The following ACOT11 variants were observed in gnomAD, a reference collection of about 807,000 sequenced individuals.
ACOT11 encodes acyl-coenzyme A thioesterase 11.
Under a neutral mutation model 77.5 loss-of-function variants are expected in ACOT11, and 69 were observed. That is an observed-to-expected ratio of 0.89 (90% CI 0.73 to 1.09). ACOT11 has a LOEUF of 1.09. Ranked by LOEUF, ACOT11 falls within the 50% of genes least tolerant of loss-of-function variation. The pLI is 0.00. For missense variants in ACOT11, 766 were observed against 813.7 expected (o/e 0.94, Z 0.71); for synonymous variants, 279 against 313.0 (o/e 0.89, Z 1.15).
intron 1 of ACOT11, among the ~76,000 whole-genome samples, chr1:54,560,897 A>G (rs1252961726): frequency 2.0e-5 from 3 of 151,930 alleles, no homozygotes; most frequent in Admixed American, 2.0e-4. Flanking sequence ...AATTGTTTGT[A>G]TTTTTAGTAG....
rs532326765 is a variant in ACOT11, at chr1:54,602,625, G to A, written c.1030-44G>A. ...CTGGGGGATGGAGAGGGGGCAGGAC[G>A]GAGGGTGGGGGTAGCTGGTTGCCTA... On this transcript the variant is annotated intron_variant, in intron 9 of 15. Coordinates refer to ENST00000343744, the MANE Select transcript of ACOT11 (RefSeq NM_147161.4). 5.6e-5 allele frequency: 82 copies of A among 1,469,952 alleles called. 1 individual carries two copies. The South Asian group carries it at 1.0e-3, about 18-fold the overall frequency. The allele number at this position is 1,469,952 out of a possible 1,614,324, so 91.1% of individuals were successfully genotyped here.
chr1:54,637,820 G>T (rs569581160), exon 17 of ACOT11: 1 of 152,120 alleles, frequency 6.6e-6, no homozygotes, highest in East Asian at 1.9e-4. Flanking sequence ...ACTCATCAGA[G>T]TTGCACAGGG....
intron 1 of ACOT11, among the ~76,000 whole-genome samples, chr1:54,569,378 A>G (rs1471636625): frequency 6.6e-6 from 1 of 152,008 alleles, no homozygotes; most frequent in East Asian, 1.9e-4. Flanking sequence ...TCTGTCCTCT[A>G]ATCCAGCCAG....
At position 54,616,323 on chromosome 1, in the gene ACOT11, C is replaced by T. The variant is rs116596985; in HGVS notation, c.1629+8255C>T. 3.5e-3 allele frequency: 2,571 copies of T among 739,490 alleles called. 42 individuals are homozygous for T. In the African/African-American group the frequency reaches 0.04, roughly 11 times the overall value. The allele number at this position is 739,490 out of a possible 1,614,324, so 45.8% of individuals were successfully genotyped here. ...CACCCACACTTCCATCATAGTTTCA[C>T]ATTTCGATGATTTTTTTTCTTCCAT... On this transcript the variant is annotated intron_variant, in intron 15 of 16. Coordinates refer to the ACOT11 transcript ENST00000371316.
intron 1 of ACOT11, among the ~76,000 whole-genome samples, chr1:54,559,397 G>A (rs939949209): frequency 6.6e-6 from 1 of 152,182 alleles, no homozygotes; most frequent in Non-Finnish European, 1.5e-5. Flanking sequence ...GGGAGCCTTC[G>A]GAGAGCTGCT....
intron 1 of ACOT11, among the ~76,000 whole-genome samples, chr1:54,554,548 G>A (rs1437110818): frequency 6.6e-6 from 1 of 151,204 alleles, no homozygotes; most frequent in African/African-American, 2.4e-5. Flanking sequence ...GTAGAGATGG[G>A]TTCTCTCTAT....
At chr1:54,634,949 A>T (rs1644323030) in exon 17 of ACOT11, 1 of 502,596 alleles carries the variant, frequency 2.0e-6, no homozygotes, top group Admixed American at 3.7e-5. Flanking sequence ...GAATAATTTA[A>T]TGGTAGCTAT....
intron 1 of ACOT11, among the ~76,000 whole-genome samples, chr1:54,572,194 T>A (rs1653951144): frequency 8.9e-6 from 1 of 112,630 alleles, no homozygotes; most frequent in South Asian, 2.9e-4. Context: ...CTTTGACGCC[T>A]TTCCTTTCTC....
At chr1:54,623,263 G>A in intron 15 of ACOT11, 1 of 1,588,756 alleles carries the variant, frequency 6.3e-7, no homozygotes, top group Non-Finnish European at 8.6e-7. Context: ...GGATGACATG[G>A]GGGGAGGCAC....
At chr1:54,631,515 A>C (rs1191047650) in intron 16 of ACOT11, among the ~76,000 whole-genome samples, 2 of 152,232 alleles carry the variant, frequency 1.3e-5, no homozygotes, top group African/African-American at 4.8e-5. Flanking sequence ...CTTGGTGGGC[A>C]GATGAAGCTT....
intron 16 of ACOT11, among the ~76,000 whole-genome samples, chr1:54,632,682 C>T (rs1041358844): frequency 3.3e-5 from 5 of 152,150 alleles, no homozygotes; most frequent in Non-Finnish European, 5.9e-5. Flanking sequence ...TACTGATAAA[C>T]GTCCTACCTG....
intron 15 of ACOT11, among the ~76,000 whole-genome samples, chr1:54,626,479 C>T (rs913686689): frequency 6.8e-6 from 1 of 147,120 alleles, no homozygotes; most frequent in Non-Finnish European, 1.5e-5. Context: ...ATTTTAATTT[C>T]ATCCACTTGT....
In ACOT11 at chr1:54,592,607, G is replaced by A. The variant is rs745902991; in HGVS notation, c.372+1G>A. 2 of 1,613,504 alleles carry A rather than the reference G, an allele frequency of 1.2e-6. No individual in the cohort carries two copies. The highest frequency in any genetic ancestry group is 8.5e-7 in the Non-Finnish European group (1 of 1,179,722). The stretch of plus-strand genomic sequence containing the variant: ...CCGGGCCTTCAACTCCAGCATGGAG[G>A]TGTGTGGGGTGGGCACTGCTTGGGA... On this transcript the variant is annotated splice_donor_variant, in intron 4 of 15. Coordinates refer to ENST00000343744, the MANE Select transcript of ACOT11 (RefSeq NM_147161.4). LOFTEE classifies it high-confidence loss of function.
Position 54,609,455 on chromosome 1 carries a change from G to A in ACOT11, c.*343G>A. 5.6e-6 allele frequency: 9 copies of A among 1,613,684 alleles called. No individual in the cohort carries two copies. The highest frequency in any genetic ancestry group is 6.8e-6 in the Non-Finnish European group (8 of 1,180,010). ...GGAGGATGCCAGCAGCCTGCCTATG[G>A]CTCCAGCTGTGCTGTGGCCCAGCAG... On this transcript the variant is annotated 3_prime_UTR_variant, in exon 16 of 16. Coordinates refer to ENST00000343744, the MANE Select transcript of ACOT11 (RefSeq NM_147161.4).
At chr1:54,616,333 A>AT (rs1246953215) in intron 15 of ACOT11, among the ~76,000 whole-genome samples, 1 of 151,396 alleles carries the variant, frequency 6.6e-6, no homozygotes, top group Non-Finnish European at 1.5e-5. Context: ...CATTTCGATG[A>AT]TTTTTTTTCT....
intron 15 of ACOT11, among the ~76,000 whole-genome samples, chr1:54,622,104 T>C (rs1644235580): frequency 7.0e-6 from 1 of 142,706 alleles, no homozygotes; most frequent in South Asian, 2.3e-4. Context: ...TGAAACCCCG[T>C]CTCTAGTAAA....
chr1:54,562,404 C>CT, intron 1 of ACOT11, among the ~76,000 whole-genome samples: 1 of 77,262 alleles, frequency 1.3e-5, no homozygotes. Flanking sequence ...GGCAGAGGCG[C>CT]CCCTCACCTC....
intron 2 of ACOT11, among the ~76,000 whole-genome samples, chr1:54,585,295 G>A (rs1167960264): frequency 6.6e-6 from 1 of 152,186 alleles, no homozygotes; most frequent in Non-Finnish European, 1.5e-5. Context: ...GGGTGGGGAT[G>A]GGGGATAGAC....
chr1:54,603,878 A>G lies in ACOT11; in HGVS notation c.1093A>G (p.Ile365Val), dbSNP rs767974092. The part of the protein sequence containing the change: ...RKKIRLDRKY[I>V]VSCKQTEVPL... ...ATCTTCTCTCCTTCCCAGGAAGTACATCGTGTCCTGTAAGCAGACAGAGGT... is the reference window on the plus strand; with the variant it reads ...ATCTTCTCTCCTTCCCAGGAAGTACGTCGTGTCCTGTAAGCAGACAGAGGT... The change falls in exon 11 of 16, where the codon ATC (isoleucine) becomes GTC (valine). Residue 365 changes from isoleucine to valine, a missense_variant. By Grantham distance (29) the Ile-to-Val change is conservative (BLOSUM62 3). Transcript: ENST00000343744. 54 of 1,613,982 alleles carry G rather than the reference A, an allele frequency of 3.3e-5. 1 individual carries two copies. In the Admixed American group the frequency reaches 7.8e-4, roughly 23 times the overall value.
Sources: gnomAD v4.1 joint callset for allele counts (sites outside exome capture counted in the v4.1 genomes callset) on GRCh38, gnomAD v4.1.1 for gene constraint, MANE v1.5 for transcripts, NCBI Gene and HGNC (gene_info 2026-07-23, HGNC 2026-07-21) for gene names.